Variants in CCDC175 observed in about 807,000 individuals in gnomAD.
CCDC175 encodes the protein coiled-coil domain containing 175.
Under a neutral mutation model 114.6 loss-of-function variants are expected in CCDC175, and 100 were observed. That is an observed-to-expected ratio of 0.87 (90% CI 0.74 to 1.03). CCDC175 has a LOEUF of 1.03. Ranked by LOEUF, CCDC175 falls within the 50% of genes least tolerant of loss-of-function variation. CCDC175 has a pLI of 0.00. For synonymous variants in CCDC175, 306 were observed against 308.7 expected (o/e 0.99, Z 0.09); for missense variants, 880 against 917.8 (o/e 0.96, Z 0.53).
intron 9 of CCDC175, among the ~76,000 whole-genome samples, chr14:59,544,746 C>G (rs1012085271): frequency 6.6e-6 from 1 of 152,052 alleles, no homozygotes; most frequent in African/African-American, 2.4e-5. Flanking sequence ...TGATAATGCT[C>G]GAGCATATTA....
intron 12 of CCDC175, 91 bp from the exon 13 acceptor site, chr14:59,538,245 G>A: frequency 9.3e-7 from 1 of 1,076,260 alleles, no homozygotes; most frequent in Non-Finnish European, 1.3e-6. Context: ...CTCTTTGCAG[G>A]AGGCCTGCTT....
intron 7 of CCDC175, among the ~76,000 whole-genome samples, chr14:59,557,089 C>A (rs529570022): frequency 1.3e-5 from 2 of 152,148 alleles, no homozygotes; most frequent in African/African-American, 2.4e-5. Flanking sequence ...CTAGAAATAC[C>A]TTTTGACCCA....
At chr14:59,563,027 T>C (rs955150044) in intron 6 of CCDC175, among the ~76,000 whole-genome samples, 2 of 152,206 alleles carry the variant, frequency 1.3e-5, no homozygotes, top group Non-Finnish European at 2.9e-5. Flanking sequence ...TGCATGTGAT[T>C]TTTCAAGACA....
intron 7 of CCDC175, among the ~76,000 whole-genome samples, chr14:59,557,467 G>T (rs542566153): frequency 1.4e-5 from 2 of 138,494 alleles, no homozygotes; most frequent in Admixed American, 1.5e-4. Flanking sequence ...GGCCTGTTGT[G>T]GGGTGGGGGG....
intron 13 of CCDC175, among the ~76,000 whole-genome samples, chr14:59,534,134 G>C (rs983905993): frequency 1.3e-5 from 2 of 152,146 alleles, no homozygotes; most frequent in Non-Finnish European, 1.5e-5. Flanking sequence ...GGGCTGCTGT[G>C]ATAAGAAGCC....
intron 17 of CCDC175, among the ~76,000 whole-genome samples, chr14:59,514,001 T>C (rs1458440737): frequency 6.6e-6 from 1 of 152,192 alleles, no homozygotes; most frequent in East Asian, 1.9e-4. Flanking sequence ...CAACATTTGA[T>C]GTTCACCAAT....
At position 59,521,397 on chromosome 14, in the gene CCDC175, C is replaced by T. The variant is rs569057868; in HGVS notation, c.2098+177G>A. On this transcript the variant is annotated intron_variant, in intron 17 of 19. Transcript: ENST00000537690. ...TACTTGTGAGGCTTTGGGACTCTGA[C>T]GGATCCACCACTGGATTCCTTGCTC... is the stretch of plus-strand genomic sequence containing the variant. 3.9e-5 allele frequency among the ~76,000 whole-genome samples: 6 copies of T among 152,308 alleles called. No individual in the cohort carries two copies. In the East Asian group the frequency reaches 7.7e-4, roughly 20 times the overall value.
intron 9 of CCDC175, among the ~76,000 whole-genome samples, chr14:59,543,660 G>A (rs1956357): frequency 0.98 from 149,863 of 152,316 alleles, 73,769 homozygotes; most frequent in East Asian, 1. Flanking sequence ...TTTCCCAGCT[G>A]ATTTTTGTAC....
chr14:59,536,173 C>G (rs992889610), intron 13 of CCDC175, among the ~76,000 whole-genome samples: 17 of 152,174 alleles, frequency 1.1e-4, no homozygotes, highest in Non-Finnish European at 2.9e-5. Flanking sequence ...CTCCCCAGCT[C>G]TTATTCAGCA....
chr14:59,507,845 G>A (rs1892513756), intron 19 of CCDC175, among the ~76,000 whole-genome samples: 1 of 152,174 alleles, frequency 6.6e-6, no homozygotes, highest in Non-Finnish European at 1.5e-5. Flanking sequence ...TGGCATGGTG[G>A]CTCACACCTG....
intron 18 of CCDC175, among the ~76,000 whole-genome samples, chr14:59,511,548 T>TAAAAAAAAAAAAAAA (rs34490884): frequency 2.1e-5 from 2 of 94,646 alleles, no homozygotes; most frequent in Non-Finnish European, 4.0e-5. Context: ...TGATATTTGG[T>TAAAAAAAAAAAAAAA]AAAAAAAAAA....
intron 14 of CCDC175, among the ~76,000 whole-genome samples, chr14:59,528,778 T>C (rs1476636421): frequency 1.3e-5 from 2 of 152,142 alleles, no homozygotes; most frequent in Non-Finnish European, 2.9e-5. Flanking sequence ...GTTGCTCTAT[T>C]TTTACAGAGA....
intron 16 of CCDC175, among the ~76,000 whole-genome samples, chr14:59,523,967 C>T (rs948977323): frequency 5.3e-5 from 8 of 150,398 alleles, no homozygotes; most frequent in Admixed American, 4.7e-4. Context: ...CCAGCCTGGG[C>T]GACAGAGCAA....
chr14:59,536,794 G>A (rs528796116), intron 13 of CCDC175, among the ~76,000 whole-genome samples: 25 of 151,984 alleles, frequency 1.6e-4, no homozygotes, highest in Non-Finnish European at 3.4e-4. Flanking sequence ...TTGTTTGTTT[G>A]TTTTTGAGAT....
Position 59,551,414 on chromosome 14 carries a change from CTT to C in CCDC175, c.974_975del (p.Lys325ArgfsTer5). 2 of 1,449,884 alleles carry C rather than the reference CTT, an allele frequency of 1.4e-6. No individual in the cohort carries two copies. Among genetic ancestry groups the C allele is most frequent in the Non-Finnish European group, 1.8e-6 (2 of 1,085,954 alleles). The allele number at this position is 1,449,884 out of a possible 1,614,324, so 89.8% of individuals were successfully genotyped here. A position where few individuals can be genotyped will look rare whatever the true frequency, so the allele number is the denominator to read the frequency against. Reference sequence around the variant, plus strand: ...TCATTAGATATATCATCTAGTTTTTCTTTGTTATCTGTGAAAAAACACCTATG... The same window carrying C: ...TCATTAGATATATCATCTAGTTTTTCTGTTATCTGTGAAAAAACACCTATG... ...EAKLCFFTDN[K>X]EKLDDISNDE... On this transcript the variant is annotated frameshift_variant, in exon 8 of 20. Coordinates refer to ENST00000537690, the MANE Select transcript of CCDC175 (RefSeq NM_001164399.2). LOFTEE classifies it high-confidence loss of function.
At chr14:59,545,397 G>T in intron 8 of CCDC175, 98 bp from the exon 9 acceptor site, 2 of 1,015,900 alleles carry the variant, frequency 2.0e-6, no homozygotes, top group Non-Finnish European at 2.8e-6. Flanking sequence ...CTGGGATATT[G>T]CTTAGCCCAC....
intron 7 of CCDC175, among the ~76,000 whole-genome samples, chr14:59,552,593 C>A (rs925020356): frequency 7.2e-5 from 11 of 152,126 alleles, no homozygotes; most frequent in African/African-American, 2.7e-4. Flanking sequence ...AGCTCCTCAC[C>A]AGCAATGGAA....
intron 17 of CCDC175, among the ~76,000 whole-genome samples, chr14:59,520,299 G>A (rs555985776): frequency 1.3e-5 from 2 of 152,020 alleles, no homozygotes; most frequent in Non-Finnish European, 2.9e-5. Flanking sequence ...AATTTAAAGC[G>A]TTTTCACCAT....
chr14:59,545,999 C>T (rs1028399721), intron 8 of CCDC175, among the ~76,000 whole-genome samples: 31 of 152,128 alleles, frequency 2.0e-4, no homozygotes, highest in Non-Finnish European at 3.8e-4. Flanking sequence ...ATTAATCTAC[C>T]GAAAGGATAC....
Sources: allele counts gnomAD v4.1 joint callset (sites outside exome capture counted in the v4.1 genomes callset), GRCh38; gene constraint gnomAD v4.1.1; transcripts MANE v1.5; gene names NCBI Gene and HGNC (gene_info 2026-07-23, HGNC 2026-07-21).